The following AKAP9 variants were observed in gnomAD, a reference collection of about 807,000 sequenced individuals.
AKAP9 encodes A-kinase anchoring protein 9, also known as A-kinase anchor protein 9.
Under a neutral mutation model 488.5 loss-of-function variants are expected in AKAP9, and 311 were observed. The observed-to-expected ratio is 0.64, with a 90% confidence interval of 0.58 to 0.70. The LOEUF is 0.70. Ranked by LOEUF, AKAP9 falls within the 30% of genes least tolerant of loss-of-function variation. AKAP9 has a pLI of 0.00. For synonymous variants in AKAP9, 1,462 were observed against 1,483.5 expected (o/e 0.99, Z 0.33); for missense variants, 4,215 against 4,374.5 (o/e 0.96, Z 1.03).
rs1563124914 is a variant in AKAP9 at position 92,089,524 on chromosome 7, G to A, written c.9353G>A (p.Ser3118Asn). The change falls in exon 38 of 50, where the codon AGC (serine) becomes AAC (asparagine). Residue 3118 changes from serine (S) to asparagine (N), a missense_variant. Physicochemically the swap from Ser to Asn is conservative, Grantham distance 46. Coordinates refer to ENST00000356239, the MANE Select transcript of AKAP9 (RefSeq NM_005751.5). ...AGAGAACAAGAGAGTGAGAAACCAA[G>A]CCAAGGTATGTTGTATGACAAGCTC... ...LKREQESEKP[S>N]QELLEYNIQQ... The A allele has an allele frequency of 6.2e-7, 1 of 1,613,274 alleles. No homozygotes were observed. Among genetic ancestry groups the A allele is most frequent in the Non-Finnish European group, 8.5e-7 (1 of 1,179,552 alleles).
intron 16 of AKAP9, among the ~76,000 whole-genome samples, chr7:92,035,548 T>G (rs1178283790): frequency 6.6e-6 from 1 of 152,212 alleles, no homozygotes; most frequent in Non-Finnish European, 1.5e-5. Context: ...GTTGTCTAAT[T>G]TTGAATTGTA....
rs549401382 is a variant in AKAP9 at position 91,991,632 on chromosome 7, C to T, written c.352-526C>T. On this transcript the variant is annotated intron_variant, in intron 3 of 49. Coordinates refer to ENST00000356239, the MANE Select transcript of AKAP9 (RefSeq NM_005751.5). ...GACTACAGGCACCCGCCACCACACC[C>T]GGCTAATTTTTTGTATTTTTAGTAG... Among the ~76,000 whole-genome samples the T allele has an allele frequency of 4.3e-4, 66 of 152,108 alleles. 2 individuals are homozygous for T. Among genetic ancestry groups the T allele is most frequent in the Middle Eastern group, 3.4e-3 (1 of 294 alleles).
intron 2 of AKAP9, among the ~76,000 whole-genome samples, chr7:91,975,909 T>C (rs927207385): frequency 8.9e-6 from 1 of 112,966 alleles, no homozygotes; most frequent in Non-Finnish European, 1.8e-5. Context: ...TTGGTTTGTT[T>C]TTTGTTTGTT....
intron 38 of AKAP9, chr7:92,089,899 A>T (rs543357112): frequency 8.1e-5 from 14 of 173,808 alleles, no homozygotes; most frequent in Non-Finnish European, 1.4e-4. Flanking sequence ...ATCCTTTTTT[A>T]AAAAAATTGT....
At chr7:92,102,448 TTACTACTACTACTACTAC>T (rs11276778) in intron 45 of AKAP9, 128 bp from the exon 46 acceptor site, 149 of 594,738 alleles carry the variant, frequency 2.5e-4, no homozygotes, top group East Asian at 1.5e-3. Context: ...CGTTTTACTA[TTACTACTACTACTACTAC>T]TACTACTACT....
intron 22 of AKAP9, among the ~76,000 whole-genome samples, chr7:92,053,197 T>C (rs1808277444): frequency 1.3e-5 from 2 of 152,176 alleles, no homozygotes; most frequent in African/African-American, 4.8e-5. Flanking sequence ...TTATTTCAGG[T>C]ATATTAGTAT....
At chr7:92,110,026 GAAT>G (rs1484106630) in intron 49 of AKAP9, 93 bp from the exon 50 acceptor site, 20 of 948,274 alleles carry the variant, frequency 2.1e-5, no homozygotes, top group Non-Finnish European at 2.3e-5. Context: ...AAAAAATGGA[GAAT>G]AATAATAATT....
In AKAP9 at chr7:91,995,701, TGAA is replaced by T; in HGVS notation, c.835_837del (p.Glu279del). ...AGATCCTCACTCATCAACAGCAGCTTGAAGAACAAGACCACTTATTAGAAGATT... is the reference window on the plus strand; with the variant it reads ...AGATCCTCACTCATCAACAGCAGCTTGAACAAGACCACTTATTAGAAGATT... On this transcript the variant is annotated inframe_deletion, in exon 7 of 50. Coordinates refer to ENST00000356239, the MANE Select transcript of AKAP9 (RefSeq NM_005751.5). The T allele has an allele frequency of 6.2e-7, 1 of 1,613,990 alleles. No homozygotes were observed. The highest frequency in any genetic ancestry group is 8.5e-7 in the Non-Finnish European group (1 of 1,179,914).
chr7:91,972,442 G>T (rs960886399), intron 1 of AKAP9, among the ~76,000 whole-genome samples: 3 of 152,184 alleles, frequency 2.0e-5, no homozygotes, highest in African/African-American at 7.2e-5. Flanking sequence ...TGTAGAAACT[G>T]TGAGTCAGGG....
chr7:91,977,325 G>A (rs1795826137), intron 2 of AKAP9, among the ~76,000 whole-genome samples: 2 of 152,174 alleles, frequency 1.3e-5, no homozygotes, highest in African/African-American at 4.8e-5. Context: ...GGGAGGCCAA[G>A]GCGGGCAGAT....
rs140470576 is a variant in AKAP9, at chr7:92,097,077, C to A, written c.10118C>A (p.Ser3373Tyr). 2,311 of 1,614,180 alleles carry A rather than the reference C, an allele frequency of 1.4e-3. 14 individuals carry two copies. Among genetic ancestry groups the A allele is most frequent in the South Asian group, 6.7e-3 (614 of 91,076 alleles). The change falls in exon 41 of 50, where the codon TCT becomes TAT. Residue 3373 changes from serine (S) to tyrosine (Y), a missense_variant. Coordinates refer to ENST00000356239, the MANE Select transcript of AKAP9 (RefSeq NM_005751.5). The stretch of plus-strand genomic sequence containing the variant: ...GAGACTGAAAAATATAAACTGGATT[C>A]TTTGCAAACACGACAGCAAATGGAA... Reference protein sequence around the residue: ...LNETEKYKLDSLQTRQQMEKD... With the variant: ...LNETEKYKLDYLQTRQQMEKD...
intron 22 of AKAP9, among the ~76,000 whole-genome samples, chr7:92,057,043 A>G (rs910996784): frequency 6.6e-6 from 1 of 152,050 alleles, no homozygotes; most frequent in Non-Finnish European, 1.5e-5. Flanking sequence ...GCTATTCTAT[A>G]TAACTTGGGC....
At chr7:92,014,150 C>G (rs1275187401) in intron 9 of AKAP9, 99 bp from the exon 10 acceptor site, 4 of 788,730 alleles carry the variant, frequency 5.1e-6, no homozygotes, top group Non-Finnish European at 8.7e-6. Context: ...TAAAATGATT[C>G]TTATTGCAGG....
intron 12 of AKAP9, among the ~76,000 whole-genome samples, chr7:92,021,460 G>A (rs1802305666): frequency 1.3e-5 from 2 of 151,858 alleles, no homozygotes; most frequent in Admixed American, 1.3e-4. Context: ...TTTTTTTGAG[G>A]CAGAGTCTTG....
At chr7:92,068,421 C>T (rs1174646271) in intron 26 of AKAP9, among the ~76,000 whole-genome samples, 2 of 151,418 alleles carry the variant, frequency 1.3e-5, no homozygotes, top group Non-Finnish European at 2.9e-5. Flanking sequence ...AGTTATTGCC[C>T]CATTTCTGAC....
chr7:92,017,284 C>T (rs1353228808), intron 12 of AKAP9, among the ~76,000 whole-genome samples, 182 bp downstream of exon 12: 3 of 151,798 alleles, frequency 2.0e-5, no homozygotes, highest in South Asian at 2.1e-4. Flanking sequence ...TTCTGCAAGT[C>T]GAATAATAAC....
rs10644111 is a variant in AKAP9 at position 92,022,864 on chromosome 7, A to AAAC, written c.4004_4006dup (p.Lys1335_Leu1336insGln). The AAAC allele has an allele frequency of 0.4, 633,548 of 1,603,344 alleles. 129,701 individuals carry two copies. Among genetic ancestry groups the AAAC allele is most frequent in the African/African-American group, 0.63 (47,292 of 74,484 alleles). On this transcript the variant is annotated inframe_insertion, in exon 14 of 50. Coordinates refer to ENST00000356239, the MANE Select transcript of AKAP9 (RefSeq NM_005751.5). ...TTCTCTGCAAGATCTTGAAAAAACT[A>AAAC]AACTTGAAGAACAAGTTCAAGAATT...
chr7:91,973,900 G>C lies in AKAP9; in HGVS notation c.238G>C (p.Glu80Gln). ...GAGAGTAGAATCAACTGTGATTCCT[G>C]AATCTACAATAATGAGAACTCTACA... Reference protein sequence around the residue: ...SQRVESTVIPESTIMRTLHSG... With the variant: ...SQRVESTVIPQSTIMRTLHSG... The change falls in exon 2 of 50, where the codon GAA becomes CAA. Residue 80 changes from glutamate to glutamine, a missense_variant. By Grantham distance (29) the Glu-to-Gln change is conservative (BLOSUM62 2). Transcript: ENST00000356239. 1 of 1,613,860 alleles carries C rather than the reference G, an allele frequency of 6.2e-7. No individual in the cohort carries two copies. Among genetic ancestry groups the C allele is most frequent in the Non-Finnish European group, 8.5e-7 (1 of 1,179,872 alleles).
intron 20 of AKAP9, 139 bp downstream of exon 20, chr7:92,042,910 C>A (rs955902777): frequency 6.4e-6 from 4 of 620,318 alleles, no homozygotes; most frequent in Non-Finnish European, 8.8e-6. Context: ...TGAAACATGT[C>A]CATGTATGTG....
Sources: gnomAD v4.1 joint callset for allele counts (sites outside exome capture counted in the v4.1 genomes callset) on GRCh38, gnomAD v4.1.1 for gene constraint, MANE v1.5 for transcripts, NCBI Gene and HGNC (gene_info 2026-07-23, HGNC 2026-07-21) for gene names.